The following CNTN4 variants were observed in gnomAD, a reference collection of about 807,000 sequenced individuals.
The protein encoded by CNTN4 is contactin 4, also known as contactin-4.
A neutral mutation model predicts 122.5 loss-of-function variants in CNTN4; 77 were observed. The ratio of observed to expected loss-of-function variants is 0.63; its 90% CI spans 0.52 to 0.76. The LOEUF is 0.76. CNTN4 is among the 30% of genes least tolerant of loss of function. The probability of loss-of-function intolerance (pLI) is 0.00; values close to 1 mark genes in which losing one functional copy is unlikely to be tolerated. For missense variants in CNTN4, 1,256 were observed against 1,259.1 expected, an observed-to-expected ratio of 1.00 and a Z score of 0.04; for synonymous variants, 512 against 447.0, an observed-to-expected ratio of 1.15 and a Z score of -1.83.
intron 2 of CNTN4, among the ~76,000 whole-genome samples, chr3:2,203,595 G>A (rs1227847234): frequency 6.6e-6 from 1 of 152,082 alleles, no homozygotes; most frequent in Non-Finnish European, 1.5e-5. Context: ...AAGTTAATTA[G>A]AGAAAATGTA....
chr3:2,466,300 C>G (rs184371144), intron 3 of CNTN4, among the ~76,000 whole-genome samples: 2 of 152,320 alleles, frequency 1.3e-5, no homozygotes, highest in Admixed American at 6.5e-5. Context: ...TTCTCAGCCC[C>G]TAAACCTAAG....
chr3:2,138,182 T>A (rs2034804454), intron 2 of CNTN4, among the ~76,000 whole-genome samples: 1 of 151,556 alleles, frequency 6.6e-6, no homozygotes, highest in Non-Finnish European at 1.5e-5. Flanking sequence ...TTCTCCTGCC[T>A]CAGCTCCCTA....
intron 2 of CNTN4, among the ~76,000 whole-genome samples, chr3:2,171,558 T>C (rs969251423): frequency 2.0e-5 from 3 of 152,200 alleles, no homozygotes; most frequent in Admixed American, 6.5e-5. Context: ...GTAGAGCTAT[T>C]TCCAATTTGG....
intron 3 of CNTN4, among the ~76,000 whole-genome samples, chr3:2,350,070 T>A (rs938130780): frequency 6.6e-6 from 1 of 152,148 alleles, no homozygotes; most frequent in South Asian, 2.1e-4. Context: ...ACTAAATGTG[T>A]CTTAGAGAAG....
intron 13 of CNTN4, among the ~76,000 whole-genome samples, chr3:2,977,424 CT>C (rs1209194650): frequency 1.3e-5 from 2 of 152,100 alleles, no homozygotes; most frequent in East Asian, 1.9e-4. Flanking sequence ...AGGCCCTAAT[CT>C]TTTTTTTCCT....
At chr3:2,271,308 G>T (rs895027609) in intron 2 of CNTN4, among the ~76,000 whole-genome samples, 5 of 152,012 alleles carry the variant, frequency 3.3e-5, no homozygotes, top group Non-Finnish European at 7.4e-5. Flanking sequence ...GTTTACAGCT[G>T]GGCTGTAATC....
chr3:2,189,884 T>G (rs1055218492), intron 2 of CNTN4, among the ~76,000 whole-genome samples: 2 of 152,182 alleles, frequency 1.3e-5, no homozygotes, highest in African/African-American at 4.8e-5. Flanking sequence ...GACCTGTGAT[T>G]ACCGGAGGTT....
In CNTN4 at chr3:2,865,326, C is replaced by T. The variant is rs117722731; in HGVS notation, c.455-1426C>T. 1.2e-3 allele frequency among the ~76,000 whole-genome samples: 176 copies of T among 152,300 alleles called. 4 individuals are homozygous for T. The East Asian group carries it at 0.029, about 25-fold the overall frequency. On this transcript the variant is annotated intron_variant, in intron 7 of 24. Coordinates refer to ENST00000418658, the MANE Select transcript of CNTN4 (RefSeq NM_175607.3). Reference sequence around the variant, plus strand: ...GTGGATTTAAGGCAGAATATGTTTCCTGTTGCACATTCAGTTGTTAAGGTC... The same window carrying T: ...GTGGATTTAAGGCAGAATATGTTTCTTGTTGCACATTCAGTTGTTAAGGTC...
At chr3:2,761,620 G>T (rs1400202) in intron 6 of CNTN4, among the ~76,000 whole-genome samples, 1 of 151,872 alleles carries the variant, frequency 6.6e-6, no homozygotes, top group Non-Finnish European at 1.5e-5. Flanking sequence ...CTCTCTCACT[G>T]GTCCACATAC....
At chr3:2,580,644 A>G (rs1406981192) in intron 4 of CNTN4, among the ~76,000 whole-genome samples, 3 of 152,148 alleles carry the variant, frequency 2.0e-5, no homozygotes, top group Non-Finnish European at 4.4e-5. Flanking sequence ...CTTAATAATG[A>G]CCTTAATTCA....
chr3:2,287,882 T>A (rs549053436), intron 2 of CNTN4, among the ~76,000 whole-genome samples: 1 of 152,278 alleles, frequency 6.6e-6, no homozygotes, highest in East Asian at 1.9e-4. Context: ...GTTGCTTGTA[T>A]TACATTGCAA....
chr3:2,580,429 C>G (rs2079884025), intron 4 of CNTN4, among the ~76,000 whole-genome samples: 1 of 152,112 alleles, frequency 6.6e-6, no homozygotes, highest in Non-Finnish European at 1.5e-5. Context: ...AAAATGATAA[C>G]TTTGTAAATG....
At chr3:2,497,734 T>C (rs1401834377) in intron 3 of CNTN4, among the ~76,000 whole-genome samples, 1 of 152,232 alleles carries the variant, frequency 6.6e-6, no homozygotes, top group Non-Finnish European at 1.5e-5. Context: ...TTTTATTCTC[T>C]CTTATGACTT....
At chr3:2,570,465 C>T (rs1415945991) in intron 3 of CNTN4, among the ~76,000 whole-genome samples, 1 of 152,184 alleles carries the variant, frequency 6.6e-6, no homozygotes, top group Non-Finnish European at 1.5e-5. Context: ...GTGTGAACTA[C>T]TGCACCTGGC....
intron 3 of CNTN4, among the ~76,000 whole-genome samples, chr3:2,538,383 T>C (rs2077894531): frequency 1.3e-5 from 2 of 152,128 alleles, no homozygotes; most frequent in African/African-American, 4.8e-5. Context: ...CTGGGATTAA[T>C]CCCTTTCCCC....
intron 23 of CNTN4, among the ~76,000 whole-genome samples, chr3:3,052,184 G>A (rs146438030): frequency 1.6e-3 from 247 of 152,282 alleles, no homozygotes; most frequent in African/African-American, 5.4e-3. Context: ...CCACCTCTGT[G>A]CAGTCTTAGG....
chr3:2,608,155 A>G (rs180826592), intron 4 of CNTN4, among the ~76,000 whole-genome samples: 1 of 152,352 alleles, frequency 6.6e-6, no homozygotes, highest in East Asian at 1.9e-4. Context: ...GCCACCTTAA[A>G]GACCACATGA....
chr3:2,902,846 T>C (rs1394970985), intron 11 of CNTN4, 30 bp from the exon 12 acceptor site: 3 of 1,605,754 alleles, frequency 1.9e-6, no homozygotes, highest in Admixed American at 1.7e-5. Flanking sequence ...TAGAAGGTCA[T>C]TGTTTTTATG....
At chr3:2,401,684 G>A (rs956743605) in intron 3 of CNTN4, among the ~76,000 whole-genome samples, 1 of 152,090 alleles carries the variant, frequency 6.6e-6, no homozygotes, top group African/African-American at 2.4e-5. Flanking sequence ...GGAGTGAACA[G>A]TGCACATGGT....
Sources: allele counts gnomAD v4.1 joint callset (sites outside exome capture counted in the v4.1 genomes callset), GRCh38; gene constraint gnomAD v4.1.1; transcripts MANE v1.5; gene names NCBI Gene and HGNC (gene_info 2026-07-23, HGNC 2026-07-21).